The following ADAMTS2 variants were observed in gnomAD, a reference collection of about 807,000 sequenced individuals.
ADAMTS2 encodes the protein A disintegrin and metalloproteinase with thrombospondin motifs 2.
A neutral mutation model predicts 123.0 loss-of-function variants in ADAMTS2; 50 were observed. That is an observed-to-expected ratio of 0.41 (90% confidence interval 0.32 to 0.51). ADAMTS2 has a LOEUF of 0.51. ADAMTS2 is among the 20% of genes least tolerant of loss of function. ADAMTS2 has a pLI of 0.35. For missense variants in ADAMTS2, 1,494 were observed against 1,705.2 expected (o/e 0.88, Z 2.18); for synonymous variants, 678 against 695.4 (o/e 0.98, Z 0.39).
At chr5:179,239,529 G>A (rs1765612347) in intron 3 of ADAMTS2, among the ~76,000 whole-genome samples, 1 of 152,166 alleles carries the variant, frequency 6.6e-6, no homozygotes, top group South Asian at 2.1e-4. Context: ...AGAGTGCAGA[G>A]ACAGATGAGG....
chr5:179,222,698 G>A (rs1207782526), intron 3 of ADAMTS2, among the ~76,000 whole-genome samples: 2 of 152,232 alleles, frequency 1.3e-5, no homozygotes, highest in East Asian at 1.9e-4. Flanking sequence ...AGATGGGCTG[G>A]GTGGGTGGCC....
chr5:179,122,927 C>A, intron 19 of ADAMTS2, 154 bp from the exon 20 acceptor site: 1 of 1,160,902 alleles, frequency 8.6e-7, no homozygotes, highest in Non-Finnish European at 1.2e-6. Flanking sequence ...TGCCTTGCCC[C>A]ACCCTCGGGG....
At position 179,228,621 on chromosome 5, in the gene ADAMTS2, A is replaced by G. The variant is rs564088867; in HGVS notation, c.689-20906T>C. On this transcript the variant is annotated intron_variant, in intron 3 of 21. Coordinates refer to ENST00000251582, the MANE Select transcript of ADAMTS2 (RefSeq NM_014244.5). This position sits in a 1 kb window ranked among gnomAD's most constrained non-coding sequence, Gnocchi z 5.2. ...TCGGCAGCAAGGCAGGTGCCCTGAGACCTGGAGGTGCCCCCAGCCCCAGAA... is the reference window on the plus strand; with the variant it reads ...TCGGCAGCAAGGCAGGTGCCCTGAGGCCTGGAGGTGCCCCCAGCCCCAGAA... 6.6e-6 allele frequency among the ~76,000 whole-genome samples: 1 copy of G among 152,178 alleles called. No homozygotes were observed. The highest frequency in any genetic ancestry group is 1.5e-5 in the Non-Finnish European group (1 of 68,024).
Position 179,262,299 on chromosome 5 carries a change from T to C in ADAMTS2, c.688+10612A>G, listed in dbSNP as rs1378627930. 6.6e-6 allele frequency among the ~76,000 whole-genome samples: 1 copy of C among 151,878 alleles called. No individual in the cohort carries two copies. Among genetic ancestry groups the C allele is most frequent in the Non-Finnish European group, 1.5e-5 (1 of 67,994 alleles). On this transcript the variant is annotated intron_variant, in intron 3 of 21. Coordinates refer to ENST00000251582, the MANE Select transcript of ADAMTS2 (RefSeq NM_014244.5). The surrounding 1 kb of genome is among the most constrained non-coding windows in gnomAD (Gnocchi z 5.9). ...ACCTCTCAGGGGCAGGATGTGTCCT[T>C]GATTCCTTCCTTCACACCACGTCCC...
intron 2 of ADAMTS2, among the ~76,000 whole-genome samples, chr5:179,328,014 C>T (rs959414096): frequency 2.0e-5 from 3 of 152,016 alleles, no homozygotes; most frequent in African/African-American, 7.2e-5. Flanking sequence ...AACATCCAAG[C>T]GAGAGATTTA....
chr5:179,170,966 G>A lies in ADAMTS2; in HGVS notation c.975+10106C>T, dbSNP rs537977528. On this transcript the variant is annotated intron_variant, in intron 5 of 21. Transcript: ENST00000251582. The surrounding 1 kb of genome is among the most constrained non-coding windows in gnomAD (Gnocchi z 4.3). ...GCTATGCAAAGTGAAGTCTGTGCCT[G>A]GTGGACACAAACTGTTCCAGTCCAC... 6.6e-6 allele frequency among the ~76,000 whole-genome samples: 1 copy of A among 152,280 alleles called. No individual in the cohort carries two copies. The highest frequency in any genetic ancestry group is 2.4e-5 in the African/African-American group (1 of 41,548).
At chr5:179,325,618 G>A (rs1757291566) in intron 2 of ADAMTS2, among the ~76,000 whole-genome samples, 1 of 152,236 alleles carries the variant, frequency 6.6e-6, no homozygotes. Context: ...CCCAACCTGA[G>A]CCAGTGAGAA....
chr5:179,323,616 G>C (rs1399669629), intron 2 of ADAMTS2, among the ~76,000 whole-genome samples: 2 of 152,250 alleles, frequency 1.3e-5, no homozygotes, highest in East Asian at 3.8e-4. Context: ...GGAACTGAAA[G>C]CTGCCATTCC....
At chr5:179,163,942 A>AAGCTG (rs1763648202) in intron 5 of ADAMTS2, among the ~76,000 whole-genome samples, 1 of 152,022 alleles carries the variant, frequency 6.6e-6, no homozygotes, top group Non-Finnish European at 1.5e-5. Context: ...GTGCATGGGC[A>AAGCTG]CAGGGAGGGG....
chr5:179,155,096 G>A lies in ADAMTS2; in HGVS notation c.1133-177C>T, dbSNP rs374863004. ...CCACAGCAGACAGCTCATAGCCTGTGACATCTGGCTGACAGCAGGCCCCCA... is the reference window on the plus strand; with the variant it reads ...CCACAGCAGACAGCTCATAGCCTGTAACATCTGGCTGACAGCAGGCCCCCA... On this transcript the variant is annotated intron_variant, in intron 6 of 21. Coordinates refer to ENST00000251582, the MANE Select transcript of ADAMTS2 (RefSeq NM_014244.5). The surrounding 1 kb of genome is among the most constrained non-coding windows in gnomAD (Gnocchi z 5.1). 4.0e-3 allele frequency among the ~76,000 whole-genome samples: 604 copies of A among 152,348 alleles called. 3 individuals are homozygous for A. The highest frequency in any genetic ancestry group is 0.014 in the African/African-American group (582 of 41,574).
At chr5:179,280,240 G>A (rs553300744) in intron 2 of ADAMTS2, among the ~76,000 whole-genome samples, 44 of 152,240 alleles carry the variant, frequency 2.9e-4, no homozygotes, top group African/African-American at 9.1e-4. Flanking sequence ...AAGGAGCCCC[G>A]ACAGTCACAT....
At chr5:179,278,429 C>T (rs377841) in intron 2 of ADAMTS2, among the ~76,000 whole-genome samples, 19,741 of 152,010 alleles carry the variant, frequency 0.13, 1,655 homozygotes, top group Non-Finnish European at 0.19. Context: ...TTCCTGCTGC[C>T]AGTGTCAAGT....
chr5:179,198,803 C>CA (rs1233302368), intron 4 of ADAMTS2, among the ~76,000 whole-genome samples: 1 of 151,538 alleles, frequency 6.6e-6, no homozygotes, highest in Non-Finnish European at 1.5e-5. Flanking sequence ...CATTGCACTC[C>CA]AGCCCGGGCG....
rs115175720 is a variant in ADAMTS2 at position 179,287,387 on chromosome 5, C to T, written c.535-14323G>A. Among the ~76,000 whole-genome samples the T allele has an allele frequency of 5.7e-3, 863 of 152,294 alleles. 6 individuals are homozygous for T. The highest frequency in any genetic ancestry group is 0.019 in the African/African-American group (807 of 41,566). On this transcript the variant is annotated intron_variant, in intron 2 of 21. Coordinates refer to ENST00000251582, the MANE Select transcript of ADAMTS2 (RefSeq NM_014244.5). ...TGCTGCACAGCCGGTGGGTGGTGGA[C>T]GGGCCTCAGGACCCCTCCGCCAGCA...
At position 179,224,950 on chromosome 5, in the gene ADAMTS2, G is replaced by C. The variant is rs563967478; in HGVS notation, c.689-17235C>G. 2.6e-5 allele frequency among the ~76,000 whole-genome samples: 4 copies of C among 152,298 alleles called. No individual in the cohort carries two copies. In the East Asian group the frequency reaches 7.7e-4, roughly 29 times the overall value. ...AGAGGTTTTGAGCACAGTAGGTTCT[G>C]GCCAACCAGAGTGAGTCCACCTGCC... is the stretch of plus-strand genomic sequence containing the variant. On this transcript the variant is annotated intron_variant, in intron 3 of 21. Transcript: ENST00000251582.
At chr5:179,280,350 C>T (rs1015394178) in intron 2 of ADAMTS2, among the ~76,000 whole-genome samples, 5 of 152,182 alleles carry the variant, frequency 3.3e-5, no homozygotes, top group Non-Finnish European at 2.9e-5. Context: ...AGCCAGGGGC[C>T]CTGGTTTCCA....
At chr5:179,221,182 A>G (rs1765116314) in intron 3 of ADAMTS2, among the ~76,000 whole-genome samples, 1 of 152,074 alleles carries the variant, frequency 6.6e-6, no homozygotes, top group Non-Finnish European at 1.5e-5. Flanking sequence ...GGGACTTCAC[A>G]CACCTCCTGT....
chr5:179,182,839 T>A (rs947786722), intron 4 of ADAMTS2, among the ~76,000 whole-genome samples: 4 of 152,094 alleles, frequency 2.6e-5, no homozygotes, highest in Admixed American at 2.6e-4. Context: ...CAGCAACCCC[T>A]GTAGGCGCTG....
intron 2 of ADAMTS2, among the ~76,000 whole-genome samples, chr5:179,298,454 G>A (rs1346076342): frequency 1.3e-5 from 2 of 152,128 alleles, no homozygotes; most frequent in East Asian, 1.9e-4. Flanking sequence ...TATGAGCGAG[G>A]AAGCAGCCCT....
Sources: allele counts gnomAD v4.1 joint callset (sites outside exome capture counted in the v4.1 genomes callset), GRCh38; gene constraint gnomAD v4.1.1; non-coding constraint Gnocchi (gnomAD v3.1); transcripts MANE v1.5; gene names NCBI Gene and HGNC (gene_info 2026-07-23, HGNC 2026-07-21).